ADARB2: variants seen among roughly 807,000 people sequenced by gnomAD.
ADARB2 encodes the protein inactive double-stranded RNA-specific editase B2.
A neutral mutation model predicts 62.2 loss-of-function variants in ADARB2; 25 were observed. The ratio of observed to expected loss-of-function variants is 0.40; its 90% CI spans 0.29 to 0.56. The LOEUF (loss-of-function observed/expected upper bound fraction) is 0.56, where lower values mean the gene tolerates loss of function less well. Ranked by LOEUF, ADARB2 falls within the 20% of genes least tolerant of loss-of-function variation. The pLI is 0.43. For synonymous variants in ADARB2, 572 were observed against 500.8 expected (o/e 1.14, Z -1.90); for missense variants, 1,071 against 1,077.4 (o/e 0.99, Z 0.08).
At chr10:1,527,565 G>T (rs535050291) in intron 1 of ADARB2, among the ~76,000 whole-genome samples, 1 of 152,332 alleles carries the variant, frequency 6.6e-6, no homozygotes, top group South Asian at 2.1e-4. Flanking sequence ...AAGAAGACTT[G>T]CTATACATAA....
intron 7 of ADARB2, among the ~76,000 whole-genome samples, chr10:1,206,258 C>T (rs1266870428): frequency 6.6e-6 from 1 of 152,204 alleles, no homozygotes; most frequent in East Asian, 1.9e-4. Context: ...CGGGTCCTAA[C>T]GATTCCTCCT....
rs367705722 is a variant in ADARB2, at chr10:1,443,263, A to G, written c.101-64103T>C. ...CTTAGGAGAGCTTTTGCCCCATTTCATGTGGGAGAATGTGAGAAACCTGGA... is the reference window on the plus strand; with the variant it reads ...CTTAGGAGAGCTTTTGCCCCATTTCGTGTGGGAGAATGTGAGAAACCTGGA... On this transcript the variant is annotated intron_variant, in intron 1 of 9. Transcript: ENST00000381312. Among the ~76,000 whole-genome samples, 8 of 152,254 alleles carry G rather than the reference A, an allele frequency of 5.3e-5. No individual in the cohort carries two copies. In the South Asian group the frequency reaches 1.5e-3, roughly 28 times the overall value.
intron 1 of ADARB2, among the ~76,000 whole-genome samples, chr10:1,658,562 CTA>C (rs909406673): frequency 2.6e-5 from 4 of 152,128 alleles, no homozygotes; most frequent in Non-Finnish European, 4.4e-5. Flanking sequence ...CTCTGTCTCT[CTA>C]TCTCTCTCTC....
At chr10:1,488,059 G>T (rs1831565714) in intron 1 of ADARB2, among the ~76,000 whole-genome samples, 1 of 152,034 alleles carries the variant, frequency 6.6e-6, no homozygotes, top group African/African-American at 2.4e-5. Flanking sequence ...CATGTTTCTT[G>T]GTTTGCTTTG....
intron 3 of ADARB2, among the ~76,000 whole-genome samples, chr10:1,326,786 T>A (rs12360086): frequency 1.8e-5 from 1 of 54,344 alleles, no homozygotes; most frequent in African/African-American, 5.6e-5. Context: ...CCCTCCTCAC[T>A]GCCCAGCGCC....
intron 1 of ADARB2, among the ~76,000 whole-genome samples, chr10:1,521,586 T>G (rs1232980791): frequency 6.6e-6 from 1 of 152,142 alleles, no homozygotes; most frequent in Non-Finnish European, 1.5e-5. Context: ...ATAAGAAACA[T>G]TTACAGCCTC....
intron 1 of ADARB2, among the ~76,000 whole-genome samples, chr10:1,521,857 T>C (rs931568219): frequency 6.6e-6 from 1 of 150,806 alleles, no homozygotes; most frequent in Middle Eastern, 3.4e-3. Flanking sequence ...TTCTTAAATG[T>C]ATTTGATTGA....
At chr10:1,326,730 C>A (rs1291812654) in intron 3 of ADARB2, among the ~76,000 whole-genome samples, 1 of 150,540 alleles carries the variant, frequency 6.6e-6, no homozygotes, top group Admixed American at 6.6e-5. Context: ...AGCGCCTCCC[C>A]ATGGCACGGC....
intron 1 of ADARB2, among the ~76,000 whole-genome samples, chr10:1,490,446 T>C (rs1219516830): frequency 1.3e-5 from 2 of 152,162 alleles, no homozygotes; most frequent in African/African-American, 2.4e-5. Flanking sequence ...GCTTTTAATT[T>C]TTATTTTAAT....
Position 1,710,813 on chromosome 10 carries a change from G to A in ADARB2, c.100+26238C>T, listed in dbSNP as rs376223835. On this transcript the variant is annotated intron_variant, in intron 1 of 9. Transcript: ENST00000381312. ...TACTGGCCAGAAAGACCACCCTGGGGCTTCACCTTCACTCCTTGTCTCATT... is the reference window on the plus strand; with the variant it reads ...TACTGGCCAGAAAGACCACCCTGGGACTTCACCTTCACTCCTTGTCTCATT... 5.9e-5 allele frequency among the ~76,000 whole-genome samples: 9 copies of A among 152,194 alleles called. No homozygotes were observed. In the South Asian group the frequency reaches 1.9e-3, roughly 32 times the overall value.
intron 1 of ADARB2, among the ~76,000 whole-genome samples, chr10:1,500,199 G>A (rs1379448327): frequency 2.0e-5 from 3 of 152,204 alleles, no homozygotes; most frequent in African/African-American, 7.2e-5. Flanking sequence ...GAAGTGCCCT[G>A]TTCCCATCAT....
chr10:1,302,457 G>T (rs1420289874), intron 3 of ADARB2, among the ~76,000 whole-genome samples: 1 of 152,044 alleles, frequency 6.6e-6, no homozygotes, highest in East Asian at 1.9e-4. Flanking sequence ...GGGGAGGGGC[G>T]CCCACCATTG....
At chr10:1,187,929 C>T (rs189774892) in intron 8 of ADARB2, 5 of 331,188 alleles carry the variant, frequency 1.5e-5, no homozygotes, top group South Asian at 6.6e-5. Flanking sequence ...CCTGTGATGA[C>T]GTAAATCACA....
chr10:1,274,163 C>T (rs1190321634), intron 3 of ADARB2, among the ~76,000 whole-genome samples: 1 of 152,250 alleles, frequency 6.6e-6, no homozygotes, highest in Non-Finnish European at 1.5e-5. Flanking sequence ...CCCCACGGCA[C>T]ATGGGCAGGC....
intron 1 of ADARB2, among the ~76,000 whole-genome samples, chr10:1,496,082 G>A (rs898806692): frequency 1.3e-4 from 18 of 143,562 alleles, no homozygotes; most frequent in African/African-American, 3.6e-4. Flanking sequence ...TATTATCATC[G>A]TCATCACCAT....
chr10:1,337,254 A>G (rs1424515141), intron 3 of ADARB2, among the ~76,000 whole-genome samples: 1 of 152,186 alleles, frequency 6.6e-6, no homozygotes, highest in African/African-American at 2.4e-5. Context: ...AGGAAACACA[A>G]AATACCCAGA....
intron 3 of ADARB2, among the ~76,000 whole-genome samples, chr10:1,328,606 T>TGGGA (rs1831898874): frequency 6.6e-6 from 1 of 152,094 alleles, no homozygotes; most frequent in Non-Finnish European, 1.5e-5. Context: ...CCTGGGAGTG[T>TGGGA]TTACAGAACA....
chr10:1,226,545 C>G (rs1830748267), intron 6 of ADARB2, among the ~76,000 whole-genome samples: 1 of 152,202 alleles, frequency 6.6e-6, no homozygotes, highest in African/African-American at 2.4e-5. Flanking sequence ...GTACTTTTAT[C>G]TACCTTTGGT....
intron 2 of ADARB2, among the ~76,000 whole-genome samples, chr10:1,370,019 G>A (rs5013177): frequency 0.83 from 127,086 of 152,202 alleles, 56,937 homozygotes; most frequent in Non-Finnish European, 0.98. Flanking sequence ...GAGACAGTGC[G>A]TGTAACAGTT....
Sources: gnomAD v4.1 joint callset for allele counts (sites outside exome capture counted in the v4.1 genomes callset) on GRCh38, gnomAD v4.1.1 for gene constraint, MANE v1.5 for transcripts, NCBI Gene and HGNC (gene_info 2026-07-23, HGNC 2026-07-21) for gene names.